Variants in XPR1 observed in about 807,000 individuals in gnomAD.
XPR1 encodes xenotropic and polytropic retrovirus receptor 1.
XPR1 carries 28 observed loss-of-function variants against 87.5 expected under a neutral mutation model. That is an observed-to-expected ratio of 0.32 (90% CI 0.24 to 0.44). The LOEUF (loss-of-function observed/expected upper bound fraction) is 0.44, where lower values mean the gene tolerates loss of function less well. Among genes scored for constraint, XPR1 ranks in the 20% least tolerant of loss-of-function variants. The pLI, the probability that XPR1 is intolerant of heterozygous loss-of-function variation, is 1.00. For synonymous variants in XPR1, 300 were observed against 306.1 expected, an observed-to-expected ratio of 0.98 and a Z score of 0.21; for missense variants, 559 against 862.3, an observed-to-expected ratio of 0.65 and a Z score of 4.41.
At chr1:180,642,116 A>G (rs1654980021) in intron 1 of XPR1, among the ~76,000 whole-genome samples, 1 of 152,190 alleles carries the variant, frequency 6.6e-6, no homozygotes, top group African/African-American at 2.4e-5. Flanking sequence ...GCATTGCCCT[A>G]TTTAGTTATG....
At chr1:180,713,741 A>G (rs1164259519) in intron 2 of XPR1, among the ~76,000 whole-genome samples, 1 of 152,158 alleles carries the variant, frequency 6.6e-6, no homozygotes, top group South Asian at 2.1e-4. Context: ...GTCATTACAT[A>G]TCCTTTTTAT....
At chr1:180,816,312 C>T (rs1650409772) in intron 7 of XPR1, among the ~76,000 whole-genome samples, 1 of 152,200 alleles carries the variant, frequency 6.6e-6, no homozygotes, top group South Asian at 2.1e-4. Context: ...GGTTCGTTCT[C>T]CTCTGAGAAT....
rs548770131 is a variant in XPR1 at position 180,815,051 on chromosome 1, A to G, written c.763+3563A>G. The stretch of plus-strand genomic sequence containing the variant: ...AGAAGTGTAAGTAAAACATGTTTGT[A>G]GTTGCAAAGTGCTATGTCAATATAA... On this transcript the variant is annotated intron_variant, in intron 7 of 14. Coordinates refer to ENST00000367590, the MANE Select transcript of XPR1 (RefSeq NM_004736.4). Among the ~76,000 whole-genome samples, 4 of 152,226 alleles carry G rather than the reference A, an allele frequency of 2.6e-5. No individual in the cohort carries two copies. In the East Asian group the frequency reaches 7.7e-4, roughly 29 times the overall value.
At chr1:180,672,554 A>G (rs925647886) in intron 1 of XPR1, among the ~76,000 whole-genome samples, 4 of 152,188 alleles carry the variant, frequency 2.6e-5, no homozygotes, top group African/African-American at 7.2e-5. Flanking sequence ...TTTGAGGTTT[A>G]TAATTTGATT....
At position 180,873,587 on chromosome 1, in the gene XPR1, C is replaced by T. The variant is rs567958164; in HGVS notation, c.1669-216C>T. Reference sequence around the variant, plus strand: ...TACTCAAATTCAGTAATACTTCATACTGGATATTATACCATTTAAGAAAAA... The same window carrying T: ...TACTCAAATTCAGTAATACTTCATATTGGATATTATACCATTTAAGAAAAA... On this transcript the variant is annotated intron_variant, in intron 12 of 14. Transcript: ENST00000367590. 5.3e-5 allele frequency among the ~76,000 whole-genome samples: 8 copies of T among 152,246 alleles called. No homozygotes were observed. In the East Asian group the frequency reaches 1.3e-3, roughly 26 times the overall value.
chr1:180,733,023 T>A (rs754335482), intron 2 of XPR1, among the ~76,000 whole-genome samples: 8 of 152,142 alleles, frequency 5.3e-5, no homozygotes, highest in Non-Finnish European at 1.0e-4. Context: ...TTCTTGTTGG[T>A]GGCCCACCGG....
intron 11 of XPR1, 93 bp from the exon 12 acceptor site, chr1:180,863,615 A>G (rs1652290346): frequency 8.7e-7 from 1 of 1,146,568 alleles, no homozygotes. Flanking sequence ...TTATGGAGCT[A>G]TTTTAAGAAT....
At position 180,703,394 on chromosome 1, in the gene XPR1, G is replaced by T. The variant is rs901990668; in HGVS notation, c.121+20983G>T. On this transcript the variant is annotated intron_variant, in intron 2 of 14. Transcript: ENST00000367590. ...GAGCAGACCTATCTGCAGGCCTCTG[G>T]ATAACGCATGCGGGTGCCAGCATCA... 2.6e-5 allele frequency among the ~76,000 whole-genome samples: 4 copies of T among 152,262 alleles called. No individual in the cohort carries two copies. The South Asian group carries it at 8.3e-4, about 32-fold the overall frequency.
chr1:180,676,569 C>A (rs1656375740), intron 1 of XPR1, among the ~76,000 whole-genome samples: 1 of 152,166 alleles, frequency 6.6e-6, no homozygotes, highest in African/African-American at 2.4e-5. Flanking sequence ...AATATTACCA[C>A]TACTCTATAC....
chr1:180,659,112 C>CT (rs1655646941), intron 1 of XPR1, among the ~76,000 whole-genome samples: 1 of 127,432 alleles, frequency 7.8e-6, no homozygotes, highest in Non-Finnish European at 1.6e-5. Context: ...CCCTCCCTTC[C>CT]TCCCTCCCTC....
intron 2 of XPR1, among the ~76,000 whole-genome samples, chr1:180,759,246 A>C (rs1458874231): frequency 6.6e-6 from 1 of 152,240 alleles, no homozygotes; most frequent in Non-Finnish European, 1.5e-5. Context: ...AGCTAGCAGA[A>C]GGCAAGAAAT....
rs74135806 is a variant in XPR1 at position 180,677,028 on chromosome 1, C to G, written c.70-5332C>G. Among the ~76,000 whole-genome samples, 1,508 of 152,168 alleles carry G rather than the reference C, an allele frequency of 9.9e-3. 28 individuals are homozygous for G. Among genetic ancestry groups the G allele is most frequent in the African/African-American group, 0.035 (1,449 of 41,500 alleles). On this transcript the variant is annotated intron_variant, in intron 1 of 14. Coordinates refer to ENST00000367590, the MANE Select transcript of XPR1 (RefSeq NM_004736.4). ...CAAATGTGTTATCTTTTTTGTGACA[C>G]TAGAAACCAAATTGCTAACATTAGC...
intron 12 of XPR1, among the ~76,000 whole-genome samples, chr1:180,864,384 T>TCA (rs1652318290): frequency 6.6e-6 from 1 of 152,222 alleles, no homozygotes; most frequent in Non-Finnish European, 1.5e-5. Flanking sequence ...ATAGCAGTTA[T>TCA]CACACTGTAT....
At chr1:180,648,450 G>A (rs1289370651) in intron 1 of XPR1, among the ~76,000 whole-genome samples, 1 of 152,222 alleles carries the variant, frequency 6.6e-6, no homozygotes, top group South Asian at 2.1e-4. Flanking sequence ...ATGCAAATAT[G>A]TGGACCCCAC....
chr1:180,723,332 A>G (rs1377046229), intron 2 of XPR1, among the ~76,000 whole-genome samples: 1 of 152,202 alleles, frequency 6.6e-6, no homozygotes, highest in African/African-American at 2.4e-5. Context: ...GAGATTTACA[A>G]CTATTGTTAT....
chr1:180,722,708 T>G (rs1658215744), intron 2 of XPR1, among the ~76,000 whole-genome samples: 1 of 152,050 alleles, frequency 6.6e-6, no homozygotes, highest in Admixed American at 6.6e-5. Context: ...TAAAATAGAG[T>G]TCAGGCTGTT....
intron 2 of XPR1, among the ~76,000 whole-genome samples, chr1:180,738,817 G>A (rs1311761874): frequency 6.6e-6 from 1 of 152,004 alleles, no homozygotes; most frequent in African/African-American, 2.4e-5. Flanking sequence ...CAAACATTTT[G>A]TCCAAGTCTG....
intron 1 of XPR1, among the ~76,000 whole-genome samples, chr1:180,658,307 A>G (rs1655610358): frequency 6.6e-6 from 1 of 152,168 alleles, no homozygotes; most frequent in Admixed American, 6.5e-5. Context: ...TGCTCTAGCT[A>G]GCACTTCTAG....
intron 1 of XPR1, among the ~76,000 whole-genome samples, chr1:180,657,208 G>GTTA (rs1237631047): frequency 6.6e-6 from 1 of 151,900 alleles, no homozygotes; most frequent in Non-Finnish European, 1.5e-5. Context: ...TTCCTATAGA[G>GTTA]TTATTATAGG....
Sources: allele counts gnomAD v4.1 joint callset (sites outside exome capture counted in the v4.1 genomes callset), GRCh38; gene constraint gnomAD v4.1.1; transcripts MANE v1.5; gene names NCBI Gene and HGNC (gene_info 2026-07-23, HGNC 2026-07-21).